SV2B: variants seen among roughly 807,000 people sequenced by gnomAD.
SV2B encodes the protein synaptic vesicle glycoprotein 2B.
A neutral mutation model predicts 73.9 loss-of-function variants in SV2B; 41 were observed. The observed-to-expected ratio is 0.56, with a 90% CI of 0.43 to 0.72. The LOEUF is 0.72. Among genes scored for constraint, SV2B ranks in the 30% least tolerant of loss-of-function variants. The probability of loss-of-function intolerance (pLI) is 0.00; values close to 1 mark genes in which losing one functional copy is unlikely to be tolerated. For synonymous variants in SV2B, 314 were observed against 314.2 expected, an observed-to-expected ratio of 1.00 and a Z score of 0.01; for missense variants, 764 against 857.8, an observed-to-expected ratio of 0.89 and a Z score of 1.37.
intron 1 of SV2B, among the ~76,000 whole-genome samples, chr15:91,134,378 A>G (rs1002461266): frequency 1.3e-5 from 2 of 152,154 alleles, no homozygotes; most frequent in Non-Finnish European, 2.9e-5. Flanking sequence ...TGTTGCTACA[A>G]TTCAGAATCC....
chr15:91,271,274 A>C (rs2048311208), intron 9 of SV2B, among the ~76,000 whole-genome samples: 1 of 152,190 alleles, frequency 6.6e-6, no homozygotes, highest in South Asian at 2.1e-4. Context: ...GAATTCTTTT[A>C]AGGAGACCTC....
At chr15:91,181,971 G>A (rs750596791) in intron 1 of SV2B, among the ~76,000 whole-genome samples, 2 of 151,972 alleles carry the variant, frequency 1.3e-5, no homozygotes, top group East Asian at 1.9e-4. Flanking sequence ...TTACATGTTA[G>A]GCATTTTTAA....
chr15:91,147,965 C>CT (rs60896008), intron 1 of SV2B, among the ~76,000 whole-genome samples: 1,076 of 39,286 alleles, frequency 0.027, 215 homozygotes, highest in Middle Eastern at 0.062. Flanking sequence ...CCCCCCCCAA[C>CT]TTTTTTTTTT....
intron 1 of SV2B, among the ~76,000 whole-genome samples, chr15:91,156,622 T>A (rs1402182047): frequency 2.0e-5 from 3 of 152,354 alleles, no homozygotes; most frequent in Middle Eastern, 3.4e-3. Flanking sequence ...CCAGCCTTCA[T>A]GGCCATTGGC....
chr15:91,242,312 G>A lies in SV2B; in HGVS notation c.452-9507G>A, dbSNP rs187634241. Among the ~76,000 whole-genome samples, 38 of 152,242 alleles carry A rather than the reference G, an allele frequency of 2.5e-4. No homozygotes were observed. The highest frequency in any genetic ancestry group is 1.6e-3 in the Admixed American group (25 of 15,296). On this transcript the variant is annotated intron_variant, in intron 2 of 12. Transcript: ENST00000394232. The surrounding 1 kb of genome is among the most constrained non-coding windows in gnomAD (Gnocchi z 4.9). ...ATTGCCAGTCACTTCTTTGGGGATC[G>A]TGTTTGTTGTCTGCTTTCATTACCA...
intron 1 of SV2B, among the ~76,000 whole-genome samples, chr15:91,217,343 C>T (rs1018803173): frequency 6.6e-6 from 1 of 152,004 alleles, no homozygotes; most frequent in Admixed American, 6.6e-5. Flanking sequence ...CAAAGAGACA[C>T]CAATAATTCC....
chr15:91,222,125 C>T (rs1445244972), intron 1 of SV2B, among the ~76,000 whole-genome samples: 3 of 152,156 alleles, frequency 2.0e-5, no homozygotes, highest in Non-Finnish European at 4.4e-5. Flanking sequence ...GACGTCCCCA[C>T]TACCTCTAGG....
Position 91,122,997 on chromosome 15 carries a change from G to A in SV2B, c.-392+22634G>A, listed in dbSNP as rs966599701. Reference sequence around the variant, plus strand: ...TATTCTTGAAAATTGCTGGTCAGGTGTGCTGACTCACTCCTGTAATCCCAA... The same window carrying A: ...TATTCTTGAAAATTGCTGGTCAGGTATGCTGACTCACTCCTGTAATCCCAA... On this transcript the variant is annotated intron_variant, in intron 1 of 12. Coordinates refer to ENST00000394232, the MANE Select transcript of SV2B (RefSeq NM_001323032.3). The surrounding 1 kb of genome is among the most constrained non-coding windows in gnomAD (Gnocchi z 4.3). Among the ~76,000 whole-genome samples, 1 of 152,200 alleles carries A rather than the reference G, an allele frequency of 6.6e-6. No individual in the cohort carries two copies. Among genetic ancestry groups the A allele is most frequent in the Non-Finnish European group, 1.5e-5 (1 of 68,044 alleles).
At chr15:91,104,644 T>C (rs927497026) in intron 1 of SV2B, among the ~76,000 whole-genome samples, 1 of 152,216 alleles carries the variant, frequency 6.6e-6, no homozygotes, top group Non-Finnish European at 1.5e-5. Flanking sequence ...TTTATTTATT[T>C]ATTTTTGAGA....
intron 1 of SV2B, among the ~76,000 whole-genome samples, chr15:91,212,400 G>A (rs370850047): frequency 1.8e-4 from 28 of 152,238 alleles, no homozygotes; most frequent in African/African-American, 6.0e-4. Flanking sequence ...TATGTCTGCT[G>A]CCTTCCCACT....
chr15:91,254,896 C>T (rs2047627673), intron 4 of SV2B, among the ~76,000 whole-genome samples: 1 of 152,210 alleles, frequency 6.6e-6, no homozygotes, highest in South Asian at 2.1e-4. Flanking sequence ...CGCCCTCACA[C>T]TTGACCAATG....
At position 91,293,117 on chromosome 15, in the gene SV2B, C is replaced by T. The variant is rs1158924953; in HGVS notation, c.*565C>T. ...TCTAGAAAGCCAAGTATTTGAGCAACATCTATAGAGATCTACTTTTCTCCT... is the reference window on the plus strand; with the variant it reads ...TCTAGAAAGCCAAGTATTTGAGCAATATCTATAGAGATCTACTTTTCTCCT... On this transcript the variant is annotated 3_prime_UTR_variant, in exon 13 of 13. Transcript: ENST00000394232. 1 of 152,268 alleles carries T rather than the reference C, an allele frequency of 6.6e-6. No homozygotes were observed. The highest frequency in any genetic ancestry group is 1.5e-5 in the Non-Finnish European group (1 of 68,086). 9.4% of individuals were successfully genotyped at this position (152,268 alleles called of 1,614,324 possible).
chr15:91,271,172 G>A (rs992879324), intron 9 of SV2B, among the ~76,000 whole-genome samples: 3 of 97,372 alleles, frequency 3.1e-5, no homozygotes, highest in East Asian at 2.1e-4. Context: ...GATGGTTAAT[G>A]AATTTTGTGG....
chr15:91,274,602 C>A (rs1003481919), intron 9 of SV2B, among the ~76,000 whole-genome samples: 1 of 152,158 alleles, frequency 6.6e-6, no homozygotes, highest in Non-Finnish European at 1.5e-5. Flanking sequence ...CATTTAAAAT[C>A]TGTTGGATCT....
chr15:91,285,815 C>G (rs1340304621), intron 11 of SV2B, among the ~76,000 whole-genome samples: 1 of 151,950 alleles, frequency 6.6e-6, no homozygotes, highest in African/African-American at 2.4e-5. Context: ...GGGTGGGTGC[C>G]CATGTCGACG....
intron 2 of SV2B, among the ~76,000 whole-genome samples, chr15:91,250,808 GAC>G (rs1232988091): frequency 6.6e-6 from 1 of 152,120 alleles, no homozygotes. Flanking sequence ...AATGGAAGAA[GAC>G]ACAAATAGAT....
At chr15:91,201,958 T>G (rs1295942329) in intron 1 of SV2B, among the ~76,000 whole-genome samples, 1 of 152,222 alleles carries the variant, frequency 6.6e-6, no homozygotes, top group Non-Finnish European at 1.5e-5. Context: ...CTTTTAAGAT[T>G]TGCCAGAGCA....
intron 1 of SV2B, among the ~76,000 whole-genome samples, chr15:91,191,659 T>C (rs977803507): frequency 6.6e-6 from 1 of 152,216 alleles, no homozygotes; most frequent in African/African-American, 2.4e-5. Context: ...ACAATTTATC[T>C]TGCCATTTGA....
intron 1 of SV2B, among the ~76,000 whole-genome samples, chr15:91,143,175 G>A (rs1027884716): frequency 1.3e-5 from 2 of 152,158 alleles, no homozygotes; most frequent in Admixed American, 6.5e-5. Context: ...TTGGGGTGTC[G>A]CTGTGGGAAT....
Sources: gnomAD v4.1 joint callset for allele counts (sites outside exome capture counted in the v4.1 genomes callset) on GRCh38, gnomAD v4.1.1 for gene constraint, Gnocchi (gnomAD v3.1) non-coding constraint, MANE v1.5 for transcripts, NCBI Gene and HGNC (gene_info 2026-07-23, HGNC 2026-07-21) for gene names.